Variants in KIRREL3 observed in about 807,000 individuals in gnomAD.
KIRREL3 encodes the protein kirre like nephrin family adhesion molecule 3, also known as kin of IRRE-like protein 3.
Under a neutral mutation model 89.7 loss-of-function variants are expected in KIRREL3, and 36 were observed. That is an observed-to-expected ratio of 0.40 (90% confidence interval 0.31 to 0.53). The LOEUF (loss-of-function observed/expected upper bound fraction) is 0.53, where lower values mean the gene tolerates loss of function less well. KIRREL3 is among the 20% of genes least tolerant of loss of function. The pLI, the probability that KIRREL3 is intolerant of heterozygous loss-of-function variation, is 0.49. For synonymous variants in KIRREL3, 445 were observed against 441.4 expected (o/e 1.01, Z -0.10); for missense variants, 864 against 1,056.6 (o/e 0.82, Z 2.53).
rs1407440765 is a variant in KIRREL3 at position 126,564,561 on chromosome 11, C to T, written c.56-1649G>A. Among the ~76,000 whole-genome samples the T allele has an allele frequency of 1.3e-5, 2 of 152,210 alleles. No homozygotes were observed. Among genetic ancestry groups the T allele is most frequent in the African/African-American group, 4.8e-5 (2 of 41,454 alleles). On this transcript the variant is annotated intron_variant, in intron 1 of 16. Transcript: ENST00000525144. The surrounding 1 kb of genome is among the most constrained non-coding windows in gnomAD (Gnocchi z 7.4). ...TTCTCTTCCTTCCCCTCCACACTGGCGTCTGAAGGCTTAGCCAAACCGCCC... is the reference window on the plus strand; with the variant it reads ...TTCTCTTCCTTCCCCTCCACACTGGTGTCTGAAGGCTTAGCCAAACCGCCC...
chr11:126,962,474 CT>C (rs1459289427), intron 1 of KIRREL3, among the ~76,000 whole-genome samples: 1 of 152,162 alleles, frequency 6.6e-6, no homozygotes, highest in African/African-American at 2.4e-5. Flanking sequence ...GACCGAATTG[CT>C]GCAATCTTGT....
At chr11:126,937,703 T>C (rs568039105) in intron 1 of KIRREL3, among the ~76,000 whole-genome samples, 2 of 152,050 alleles carry the variant, frequency 1.3e-5, no homozygotes, top group South Asian at 2.1e-4. Flanking sequence ...ATCAAGACCA[T>C]CCTGGCTAAC....
chr11:126,853,072 T>C (rs1592225673), intron 1 of KIRREL3, among the ~76,000 whole-genome samples: 1 of 152,200 alleles, frequency 6.6e-6, no homozygotes, highest in African/African-American at 2.4e-5. Flanking sequence ...TTTTTTGTGT[T>C]GTTGCTTTTT....
intron 1 of KIRREL3, among the ~76,000 whole-genome samples, chr11:126,657,515 A>T (rs1353314646): frequency 1.3e-5 from 2 of 152,200 alleles, no homozygotes; most frequent in Non-Finnish European, 2.9e-5. Context: ...CCAGAGTGGG[A>T]CAAGCTGTTT....
chr11:126,594,923 G>A lies in KIRREL3; in HGVS notation c.56-32011C>T, dbSNP rs538447626. Among the ~76,000 whole-genome samples, 20 of 152,362 alleles carry A rather than the reference G, an allele frequency of 1.3e-4. No homozygotes were observed. In the South Asian group the frequency reaches 3.5e-3, roughly 27 times the overall value. Reference sequence around the variant, plus strand: ...TTCCGCCCCTGGGAGGGGGAACAATGTCTCCTGGTGAAAGTCACTTTGCAG... The same window carrying A: ...TTCCGCCCCTGGGAGGGGGAACAATATCTCCTGGTGAAAGTCACTTTGCAG... On this transcript the variant is annotated intron_variant, in intron 1 of 16. Coordinates refer to ENST00000525144, the MANE Select transcript of KIRREL3 (RefSeq NM_032531.4). This position sits in a 1 kb window ranked among gnomAD's most constrained non-coding sequence, Gnocchi z 5.0.
intron 1 of KIRREL3, among the ~76,000 whole-genome samples, chr11:126,733,357 C>T (rs552827126): frequency 1.2e-3 from 190 of 152,268 alleles, no homozygotes; most frequent in Non-Finnish European, 2.1e-3. Context: ...AGAGGTGCAT[C>T]GTAAGCTCAA....
chr11:126,823,612 G>C (rs1164363320), intron 1 of KIRREL3, among the ~76,000 whole-genome samples: 1 of 152,164 alleles, frequency 6.6e-6, no homozygotes, highest in Non-Finnish European at 1.5e-5. Context: ...GGGGGACATG[G>C]TTTGTCACTG....
rs1363162998 is a variant in KIRREL3, at chr11:126,454,537, C to T, written c.848+1812G>A. On this transcript the variant is annotated intron_variant, in intron 7 of 16. Transcript: ENST00000525144. The surrounding 1 kb of genome is among the most constrained non-coding windows in gnomAD (Gnocchi z 5.8). ...GGGAAGCTAGCATGACAGATATTTT[C>T]TGGGCATGTTGTACCTGGTGTTTAG... 1.3e-5 allele frequency among the ~76,000 whole-genome samples: 2 copies of T among 152,136 alleles called. No individual in the cohort carries two copies. The highest frequency in any genetic ancestry group is 2.9e-5 in the Non-Finnish European group (2 of 68,024).
rs1955053226 is a variant in KIRREL3, at chr11:126,429,514, CA to C, written c.1697-227del. On this transcript the variant is annotated intron_variant, in intron 14 of 16. Coordinates refer to ENST00000525144, the MANE Select transcript of KIRREL3 (RefSeq NM_032531.4). The surrounding 1 kb of genome is among the most constrained non-coding windows in gnomAD (Gnocchi z 5.2). ...ACCCCATGGCCGGCCTGCCTCCTGT[CA>C]CATGCCCCTCAGCCATGCACCCTTG... Among the ~76,000 whole-genome samples the C allele has an allele frequency of 6.6e-6, 1 of 152,178 alleles. No individual in the cohort carries two copies. The highest frequency in any genetic ancestry group is 1.5e-5 in the Non-Finnish European group (1 of 68,026).
In KIRREL3 at chr11:126,999,212, C is replaced by G. The variant is rs1259009701; in HGVS notation, c.55+1243G>C. On this transcript the variant is annotated intron_variant, in intron 1 of 16. Transcript: ENST00000525144. The surrounding 1 kb of genome is among the most constrained non-coding windows in gnomAD (Gnocchi z 5.7). ...ATACACAGGCATTAGTATGCACATACAAATATGAAGAAGGAGCCCCTTCGG... is the reference window on the plus strand; with the variant it reads ...ATACACAGGCATTAGTATGCACATAGAAATATGAAGAAGGAGCCCCTTCGG... Among the ~76,000 whole-genome samples, 1 of 151,970 alleles carries G rather than the reference C, an allele frequency of 6.6e-6. No homozygotes were observed. Among genetic ancestry groups the G allele is most frequent in the Non-Finnish European group, 1.5e-5 (1 of 68,014 alleles).
chr11:126,609,180 G>A lies in KIRREL3; in HGVS notation c.56-46268C>T, dbSNP rs1012137828. On this transcript the variant is annotated intron_variant, in intron 1 of 16. Transcript: ENST00000525144. The surrounding 1 kb of genome is among the most constrained non-coding windows in gnomAD (Gnocchi z 5.0). The stretch of plus-strand genomic sequence containing the variant: ...GGTTTGTTTTCCCCGCTCTGAGACC[G>A]GACCTCAGGAAAGGGGTGCGGGGAA... 6.6e-5 allele frequency among the ~76,000 whole-genome samples: 10 copies of A among 152,064 alleles called. No homozygotes were observed. Among genetic ancestry groups the A allele is most frequent in the African/African-American group, 9.7e-5 (4 of 41,394 alleles).
At chr11:126,671,217 T>G (rs1384568339) in intron 1 of KIRREL3, among the ~76,000 whole-genome samples, 5 of 150,584 alleles carry the variant, frequency 3.3e-5, no homozygotes, top group African/African-American at 1.2e-4. Flanking sequence ...GGCCTTAGAT[T>G]GGTGATGAGT....
intron 1 of KIRREL3, chr11:126,988,417 C>T (rs906127997): frequency 5.2e-5 from 8 of 152,916 alleles, no homozygotes; most frequent in Middle Eastern, 3.3e-3. Flanking sequence ...GGGGACCCAC[C>T]GGCCAGGGCA....
At chr11:126,804,071 T>TG (rs1951127241) in intron 1 of KIRREL3, among the ~76,000 whole-genome samples, 1 of 152,228 alleles carries the variant, frequency 6.6e-6, no homozygotes, top group South Asian at 2.1e-4. Flanking sequence ...CATGTTTGCT[T>TG]GGGAATACAT....
In KIRREL3 at chr11:126,485,142, T is replaced by A. The variant is rs1957322357; in HGVS notation, c.434-11676A>T. Among the ~76,000 whole-genome samples the A allele has an allele frequency of 6.6e-6, 1 of 152,034 alleles. No homozygotes were observed. Among genetic ancestry groups the A allele is most frequent in the Non-Finnish European group, 1.5e-5 (1 of 67,954 alleles). ...CCACAAGTGGGATTGTTAAAGGATGTGGCATCCGATATATTTGGCAGCACA... is the reference window on the plus strand; with the variant it reads ...CCACAAGTGGGATTGTTAAAGGATGAGGCATCCGATATATTTGGCAGCACA... On this transcript the variant is annotated intron_variant, in intron 4 of 16. Transcript: ENST00000525144. The surrounding 1 kb of genome is among the most constrained non-coding windows in gnomAD (Gnocchi z 5.8).
At position 126,641,599 on chromosome 11, in the gene KIRREL3, C is replaced by T. The variant is rs910222664; in HGVS notation, c.56-78687G>A. On this transcript the variant is annotated intron_variant, in intron 1 of 16. Coordinates refer to ENST00000525144, the MANE Select transcript of KIRREL3 (RefSeq NM_032531.4). The surrounding 1 kb of genome is among the most constrained non-coding windows in gnomAD (Gnocchi z 5.0). The stretch of plus-strand genomic sequence containing the variant: ...TCCATTTACAGGTCGCAGACATTTA[C>T]AACACCAGCCTCCTGGCTTCTTATG... Among the ~76,000 whole-genome samples the T allele has an allele frequency of 5.9e-5, 9 of 152,154 alleles. No individual in the cohort carries two copies. The highest frequency in any genetic ancestry group is 1.9e-4 in the African/African-American group (8 of 41,424).
rs1260166345 is a variant in KIRREL3, at chr11:126,489,021, C to T, written c.434-15555G>A. 2.6e-5 allele frequency among the ~76,000 whole-genome samples: 4 copies of T among 152,156 alleles called. No individual in the cohort carries two copies. The highest frequency in any genetic ancestry group is 3.9e-4 in the East Asian group (2 of 5,190). ...CTTTCCTGACTTGTGGACACCTACA[C>T]GATGTTCAGTGTTTGCTCAAATGTG... On this transcript the variant is annotated intron_variant, in intron 4 of 16. Transcript: ENST00000525144. The surrounding 1 kb of genome is among the most constrained non-coding windows in gnomAD (Gnocchi z 5.5).
chr11:126,424,370 T>TCCCCCCCC lies in KIRREL3; in HGVS notation c.*209_*210insGGGGGGGG. On this transcript the variant is annotated 3_prime_UTR_variant, in exon 17 of 17. Coordinates refer to ENST00000525144, the MANE Select transcript of KIRREL3 (RefSeq NM_032531.4). ...CACTCAGCCGCAGCCTCTGTCTGTC[T>TCCCCCCCC]CCCCACCCGCCCACCTCTGGCACAC... 2 of 483,208 alleles carry TCCCCCCCC rather than the reference T, an allele frequency of 4.1e-6. No homozygotes were observed. The highest frequency in any genetic ancestry group is 7.7e-6 in the Non-Finnish European group (2 of 260,500). The allele number at this position is 483,208 out of a possible 1,614,324, so 29.9% of individuals were successfully genotyped here. A position where few individuals can be genotyped will look rare whatever the true frequency, so the allele number is the denominator to read the frequency against.
chr11:126,706,397 A>G (rs1405579301), intron 1 of KIRREL3, among the ~76,000 whole-genome samples: 1 of 152,250 alleles, frequency 6.6e-6, no homozygotes, highest in Non-Finnish European at 1.5e-5. Flanking sequence ...AATATCGTTT[A>G]AGTACAATTA....
Sources: allele counts gnomAD v4.1 joint callset (sites outside exome capture counted in the v4.1 genomes callset), GRCh38; gene constraint gnomAD v4.1.1; non-coding constraint Gnocchi (gnomAD v3.1); transcripts MANE v1.5; gene names NCBI Gene and HGNC (gene_info 2026-07-23, HGNC 2026-07-21).